ZPBP: variants seen among roughly 807,000 people sequenced by gnomAD.
ZPBP encodes zona pellucida binding protein.
In ZPBP, 26 loss-of-function variants were observed where a neutral mutation model predicts 44.8. The ratio of observed to expected loss-of-function variants is 0.58; its 90% CI spans 0.43 to 0.81. The LOEUF is 0.81. Ranked by LOEUF, ZPBP falls within the 30% of genes least tolerant of loss-of-function variation. The pLI is 0.00. For synonymous variants in ZPBP, 174 were observed against 153.2 expected (o/e 1.14, Z -1.00); for missense variants, 409 against 434.0 (o/e 0.94, Z 0.51).
At chr7:49,881,263 A>G (rs928406098) in intron 2 of ZPBP, among the ~76,000 whole-genome samples, 5 of 152,160 alleles carry the variant, frequency 3.3e-5, no homozygotes, top group Non-Finnish European at 2.9e-5. Context: ...CTTTTGTTCC[A>G]TTTGTTTCAT....
At position 49,937,627 on chromosome 7, in the gene ZPBP, G is replaced by GA. The variant is rs1313144856; in HGVS notation, c.962-6dup. 6.2e-7 allele frequency: 1 copy of GA among 1,608,758 alleles called. No individual in the cohort carries two copies. The highest frequency in any genetic ancestry group is 8.5e-7 in the Non-Finnish European group (1 of 1,175,848). On this transcript the variant is annotated splice_polypyrimidine_tract_variant and splice_region_variant and intron_variant, in intron 7 of 7. Transcript: ENST00000046087. Reference sequence around the variant, plus strand: ...ATGATCCAGGGCTGCAGATCACTGTGAAAAAAGAGTAAGTTAATAAGTAGT... The same window carrying GA: ...ATGATCCAGGGCTGCAGATCACTGTGAAAAAAAGAGTAAGTTAATAAGTAGT...
intron 4 of ZPBP, among the ~76,000 whole-genome samples, chr7:50,051,515 A>C (rs149411787): frequency 6.6e-6 from 1 of 152,178 alleles, no homozygotes; most frequent in Non-Finnish European, 1.5e-5. Flanking sequence ...TCATTGAAGC[A>C]AATAATGATT....
chr7:49,866,072 A>G (rs577185382), intron 2 of ZPBP, among the ~76,000 whole-genome samples: 2 of 152,272 alleles, frequency 1.3e-5, no homozygotes, highest in South Asian at 4.1e-4. Flanking sequence ...TGGAGAGATT[A>G]GAAATGTGAA....
intron 3 of ZPBP, among the ~76,000 whole-genome samples, chr7:50,061,198 C>A (rs1801216359): frequency 6.6e-6 from 1 of 152,036 alleles, no homozygotes; most frequent in Non-Finnish European, 1.5e-5. Context: ...AACCCACAGC[C>A]AACATCATAC....
intron 2 of ZPBP, among the ~76,000 whole-genome samples, chr7:49,865,899 T>C (rs888294869): frequency 2.0e-5 from 3 of 152,216 alleles, no homozygotes; most frequent in African/African-American, 7.2e-5. Flanking sequence ...AGTGGAACAA[T>C]GTCCTTAAGA....
intron 2 of ZPBP, among the ~76,000 whole-genome samples, chr7:49,894,887 G>A (rs985638664): frequency 2.0e-5 from 3 of 152,250 alleles, no homozygotes; most frequent in Non-Finnish European, 4.4e-5. Flanking sequence ...TAGGGCAGCA[G>A]TAGGCGCCGA....
chr7:50,019,268 C>A (rs558699405), intron 5 of ZPBP, among the ~76,000 whole-genome samples: 114 of 152,180 alleles, frequency 7.5e-4, no homozygotes, highest in African/African-American at 2.6e-3. Flanking sequence ...TGGATGCTAT[C>A]CATTCGCTAT....
intron 1 of ZPBP, among the ~76,000 whole-genome samples, chr7:50,090,469 TTA>T (rs935176705): frequency 3.3e-5 from 2 of 61,506 alleles, no homozygotes; most frequent in African/African-American, 6.1e-5. Flanking sequence ...ATATATATAT[TTA>T]TGTTTGTGTG....
chr7:49,865,828 C>G (rs1004438181), intron 2 of ZPBP, among the ~76,000 whole-genome samples: 2 of 152,180 alleles, frequency 1.3e-5, no homozygotes, highest in African/African-American at 4.8e-5. Flanking sequence ...AATGCTCATT[C>G]CATGCAACCT....
At chr7:49,885,300 A>T (rs1049376228) in intron 2 of ZPBP, among the ~76,000 whole-genome samples, 1 of 152,286 alleles carries the variant, frequency 6.6e-6, no homozygotes, top group Non-Finnish European at 1.5e-5. Context: ...TAATTTCTCA[A>T]CAAATTTCAT....
chr7:50,034,166 T>C (rs1158489248), intron 4 of ZPBP, among the ~76,000 whole-genome samples: 1 of 151,442 alleles, frequency 6.6e-6, no homozygotes, highest in Admixed American at 6.6e-5. Flanking sequence ...TCTAGCTTTG[T>C]CCATTTGTTT....
At chr7:49,974,556 C>T (rs1796422584) in intron 7 of ZPBP, among the ~76,000 whole-genome samples, 1 of 151,926 alleles carries the variant, frequency 6.6e-6, no homozygotes, top group African/African-American at 2.4e-5. Context: ...ATTCATAAAT[C>T]CATAATGGCA....
intron 2 of ZPBP, among the ~76,000 whole-genome samples, chr7:49,853,205 G>A (rs1238891914): frequency 6.6e-6 from 1 of 152,256 alleles, no homozygotes; most frequent in Non-Finnish European, 1.5e-5. Flanking sequence ...GAGGCCTCTC[G>A]TGGTCAGGCT....
chr7:50,087,567 G>A (rs74955774), intron 2 of ZPBP, among the ~76,000 whole-genome samples: 1 of 152,082 alleles, frequency 6.6e-6, no homozygotes, highest in African/African-American at 2.4e-5. Flanking sequence ...ACTTAAGGGT[G>A]AAAACTTATA....
At chr7:49,937,704 T>A (rs976307482) in intron 7 of ZPBP, 82 bp from the exon 8 acceptor site, 1 of 1,114,172 alleles carries the variant, frequency 9.0e-7, no homozygotes. Context: ...CTTTTAAGTG[T>A]ATAGTTCAGT....
intron 4 of ZPBP, among the ~76,000 whole-genome samples, chr7:50,053,582 T>C (rs1187229382): frequency 6.6e-6 from 1 of 152,200 alleles, no homozygotes; most frequent in African/African-American, 2.4e-5. Flanking sequence ...CGTCAAAACA[T>C]AATCTTATCT....
At chr7:49,925,087 C>T (rs747743617) in intron 1 of ZPBP, among the ~76,000 whole-genome samples, 4 of 152,244 alleles carry the variant, frequency 2.6e-5, no homozygotes, top group Non-Finnish European at 5.9e-5. Flanking sequence ...AGGCAGCACT[C>T]CTGACCCCTG....
At chr7:50,024,170 C>T (rs542798191) in intron 5 of ZPBP, among the ~76,000 whole-genome samples, 32 of 151,958 alleles carry the variant, frequency 2.1e-4, no homozygotes, top group African/African-American at 6.7e-4. Context: ...GTAGTGGTGA[C>T]GGTGTGGAGA....
intron 4 of ZPBP, among the ~76,000 whole-genome samples, chr7:50,051,103 C>A (rs1800672768): frequency 1.3e-5 from 2 of 151,818 alleles, no homozygotes; most frequent in Admixed American, 1.3e-4. Context: ...AAAAAAACAA[C>A]CCCATTAAAA....
Sources: allele counts gnomAD v4.1 joint callset (sites outside exome capture counted in the v4.1 genomes callset), GRCh38; gene constraint gnomAD v4.1.1; transcripts MANE v1.5; gene names NCBI Gene and HGNC (gene_info 2026-07-23, HGNC 2026-07-21).